Variants in MBD5 observed in about 807,000 individuals in gnomAD.
MBD5 encodes the protein methyl-CpG binding domain protein 5.
In MBD5, 13 loss-of-function variants were observed where a neutral mutation model predicts 117.3. The ratio of observed to expected loss-of-function variants is 0.11; its 90% confidence interval spans 0.07 to 0.18. The LOEUF (loss-of-function observed/expected upper bound fraction) is 0.18, where lower values mean the gene tolerates loss of function less well. Among genes scored for constraint, MBD5 ranks in the 10% least tolerant of loss-of-function variants. The probability of loss-of-function intolerance (pLI) is 1.00; values close to 1 mark genes in which losing one functional copy is unlikely to be tolerated. For synonymous variants in MBD5, 727 were observed against 766.4 expected (o/e 0.95, Z 0.85); for missense variants, 1,879 against 2,093.8 (o/e 0.90, Z 2.00).
intron 3 of MBD5, among the ~76,000 whole-genome samples, chr2:148,241,856 T>C (rs900398052): frequency 1.3e-5 from 2 of 152,218 alleles, no homozygotes; most frequent in African/African-American, 4.8e-5. Context: ...TAATTGTGTT[T>C]TGCTTATTGG....
At position 148,513,290 on chromosome 2, in the gene MBD5, T is replaced by A; in HGVS notation, c.*349T>A. The A allele has an allele frequency of 3.3e-6, 1 of 300,158 alleles. No individual in the cohort carries two copies. The highest frequency in any genetic ancestry group is 3.7e-5 in the South Asian group (1 of 26,724). The allele number at this position is 300,158 out of a possible 1,614,324, so 18.6% of individuals were successfully genotyped here. A position where few individuals can be genotyped will look rare whatever the true frequency, so the allele number is the denominator to read the frequency against. On this transcript the variant is annotated 3_prime_UTR_variant, in exon 14 of 14. Coordinates refer to ENST00000642680, the MANE Select transcript of MBD5 (RefSeq NM_001378120.1). ...TAGAAAATACAGAATTTCATGGTGA[T>A]ATCAGAAATGTAAATATTGTACAGT...
chr2:148,221,477 C>A (rs913449180), intron 2 of MBD5, among the ~76,000 whole-genome samples: 4 of 152,088 alleles, frequency 2.6e-5, no homozygotes, highest in African/African-American at 7.2e-5. Context: ...GAGATGATAT[C>A]TCATTGTAGT....
Position 148,068,711 on chromosome 2 carries a change from A to G in MBD5, c.-925+47027A>G, listed in dbSNP as rs1489877031. On this transcript the variant is annotated intron_variant, in intron 1 of 13. Coordinates refer to ENST00000642680, the MANE Select transcript of MBD5 (RefSeq NM_001378120.1). ...TTTTTTCTGTTTTTATGTTTTAGAGACTATCTTAAGAAGTCAGGAGGTGAC... is the reference window on the plus strand; with the variant it reads ...TTTTTTCTGTTTTTATGTTTTAGAGGCTATCTTAAGAAGTCAGGAGGTGAC... 2.6e-5 allele frequency: 4 copies of G among 152,150 alleles called. No individual in the cohort carries two copies. In the East Asian group the frequency reaches 5.8e-4, roughly 22 times the overall value. 9.4% of individuals were successfully genotyped at this position (152,150 alleles called of 1,614,324 possible). A position where few individuals can be genotyped will look rare whatever the true frequency, so the allele number is the denominator to read the frequency against.
chr2:148,225,587 T>C (rs1030937713), intron 2 of MBD5, among the ~76,000 whole-genome samples: 8 of 152,194 alleles, frequency 5.3e-5, no homozygotes, highest in Non-Finnish European at 1.2e-4. Context: ...TGCTTATTAA[T>C]GTCCTCTTCT....
chr2:148,463,666 T>C, intron 6 of MBD5, 73 bp from the exon 7 acceptor site: 1 of 1,570,010 alleles, frequency 6.4e-7, no homozygotes, highest in Non-Finnish European at 8.7e-7. Context: ...CACAACTTTT[T>C]TTTTAAACAA....
At chr2:148,148,331 A>G (rs1304753061) in intron 1 of MBD5, among the ~76,000 whole-genome samples, 1 of 152,224 alleles carries the variant, frequency 6.6e-6, no homozygotes, top group Non-Finnish European at 1.5e-5. Context: ...TTACACAGCT[A>G]CCATAATAGT....
chr2:148,203,645 TA>T (rs1699199580), intron 2 of MBD5, among the ~76,000 whole-genome samples: 1 of 152,198 alleles, frequency 6.6e-6, no homozygotes, highest in African/African-American at 2.4e-5. Flanking sequence ...CACAAGAAGG[TA>T]ATCTCCGCTG....
At chr2:148,435,759 T>G (rs1217526026) in intron 4 of MBD5, among the ~76,000 whole-genome samples, 2 of 152,218 alleles carry the variant, frequency 1.3e-5, no homozygotes, top group Non-Finnish European at 2.9e-5. Context: ...AGGGGGTCTC[T>G]GCATTTATTG....
chr2:148,373,309 G>GTAAT (rs1703905046), intron 4 of MBD5, among the ~76,000 whole-genome samples: 1 of 152,026 alleles, frequency 6.6e-6, no homozygotes, highest in African/African-American at 2.4e-5. Flanking sequence ...AATTCTGGAT[G>GTAAT]TAATACTCTT....
At chr2:148,493,887 T>C (rs764783393) in intron 11 of MBD5, among the ~76,000 whole-genome samples, 1 of 152,192 alleles carries the variant, frequency 6.6e-6, no homozygotes, top group Non-Finnish European at 1.5e-5. Context: ...GCATGGGTTT[T>C]GGGCACTCTG....
At chr2:148,408,120 GA>G (rs1170164293) in intron 4 of MBD5, among the ~76,000 whole-genome samples, 1 of 151,970 alleles carries the variant, frequency 6.6e-6, no homozygotes, top group East Asian at 1.9e-4. Context: ...TGTTAAAAAA[GA>G]AAAAGCTGCA....
At chr2:148,168,879 T>G (rs1228867888) in intron 1 of MBD5, among the ~76,000 whole-genome samples, 1 of 151,704 alleles carries the variant, frequency 6.6e-6, no homozygotes, top group African/African-American at 2.4e-5. Flanking sequence ...AAGGTGCCAA[T>G]ATTTGGATGG....
chr2:148,312,124 G>T (rs1702046428), intron 3 of MBD5, among the ~76,000 whole-genome samples: 1 of 152,092 alleles, frequency 6.6e-6, no homozygotes, highest in Non-Finnish European at 1.5e-5. Context: ...ACCATTATGT[G>T]TCTTGTGGTT....
intron 3 of MBD5, among the ~76,000 whole-genome samples, chr2:148,279,009 C>A (rs181041567): frequency 6.6e-6 from 1 of 152,236 alleles, no homozygotes; most frequent in Admixed American, 6.5e-5. Flanking sequence ...TCCATATGGT[C>A]CCCCAAGCGA....
intron 1 of MBD5, among the ~76,000 whole-genome samples, chr2:148,095,643 G>A (rs1373456207): frequency 6.6e-6 from 1 of 151,812 alleles, no homozygotes; most frequent in Non-Finnish European, 1.5e-5. Flanking sequence ...TAAAGCAGAT[G>A]TGCACATTTA....
chr2:148,249,777 A>G (rs13392141), intron 3 of MBD5, among the ~76,000 whole-genome samples: 72,157 of 151,860 alleles, frequency 0.48, 17,408 homozygotes, highest in East Asian at 0.71. Flanking sequence ...ATTACTATCT[A>G]AATCAGTGGT....
chr2:148,166,184 G>A (rs1042471198), intron 1 of MBD5, among the ~76,000 whole-genome samples: 10 of 152,034 alleles, frequency 6.6e-5, no homozygotes, highest in Admixed American at 2.0e-4. Context: ...TTTGATTTGC[G>A]AGTTATTGCA....
chr2:148,513,404 CACCT>C lies in MBD5; in HGVS notation c.*467_*470del, dbSNP rs1260780045. On this transcript the variant is annotated 3_prime_UTR_variant, in exon 14 of 14. Transcript: ENST00000642680. ...AAAATTCTTTGGTTTCTATGGAGTA[CACCT>C]ACCAGAGACTACCAGTGTAAAGTGA... 5.9e-6 allele frequency: 1 copy of C among 168,098 alleles called. No individual in the cohort carries two copies. Among genetic ancestry groups the C allele is most frequent in the African/African-American group, 2.4e-5 (1 of 41,580 alleles). The allele number at this position is 168,098 out of a possible 1,614,324, so 10.4% of individuals were successfully genotyped here.
At chr2:148,445,834 G>C (rs1325386955) in intron 4 of MBD5, among the ~76,000 whole-genome samples, 2 of 151,352 alleles carry the variant, frequency 1.3e-5, no homozygotes, top group East Asian at 1.9e-4. Context: ...ATTCTAACTG[G>C]TGTGAGATGG....
Sources: gnomAD v4.1 joint callset for allele counts (sites outside exome capture counted in the v4.1 genomes callset) on GRCh38, gnomAD v4.1.1 for gene constraint, MANE v1.5 for transcripts, NCBI Gene and HGNC (gene_info 2026-07-23, HGNC 2026-07-21) for gene names.